ZZEF1: variants seen among roughly 807,000 people sequenced by gnomAD.
ZZEF1 encodes the protein zinc finger ZZ-type and EF-hand domain containing 1, also known as zinc finger ZZ-type and EF-hand domain-containing protein 1.
Under a neutral mutation model 342.8 loss-of-function variants are expected in ZZEF1, and 157 were observed. The observed-to-expected ratio is 0.46, with a 90% CI of 0.40 to 0.52. The LOEUF is 0.52. Ranked by LOEUF, ZZEF1 falls within the 20% of genes least tolerant of loss-of-function variation. The pLI, the probability that ZZEF1 is intolerant of heterozygous loss-of-function variation, is 0.00. For synonymous variants in ZZEF1, 1,505 were observed against 1,429.1 expected, an observed-to-expected ratio of 1.05 and a Z score of -1.20; for missense variants, 3,480 against 3,725.6, an observed-to-expected ratio of 0.93 and a Z score of 1.72.
chr17:4,016,547 A>C lies in ZZEF1; in HGVS notation c.8002-81T>G, dbSNP rs921984113. The C allele has an allele frequency of 8.0e-6, 12 of 1,502,090 alleles. No individual in the cohort carries two copies. Among genetic ancestry groups the C allele is most frequent in the South Asian group, 1.3e-5 (1 of 76,350 alleles). The allele number at this position is 1,502,090 out of a possible 1,614,324, so 93.0% of individuals were successfully genotyped here. A position where few individuals can be genotyped will look rare whatever the true frequency, so the allele number is the denominator to read the frequency against. ...GACAGTTTACTTCAACCCAAGCTCC[A>C]CCCAAAGGTGCTGGCATCATCTTAG... On this transcript the variant is annotated intron_variant, in intron 48 of 54. Transcript: ENST00000381638. The surrounding 1 kb of genome is among the most constrained non-coding windows in gnomAD (Gnocchi z 4.4).
chr17:4,014,394 T>TA lies in ZZEF1; in HGVS notation c.8266_8267insT (p.His2756LeufsTer14). 1 of 1,614,246 alleles carries TA rather than the reference T, an allele frequency of 6.2e-7. No homozygotes were observed. Among genetic ancestry groups the TA allele is most frequent in the Non-Finnish European group, 8.5e-7 (1 of 1,180,038 alleles). On this transcript the variant is annotated frameshift_variant, in exon 50 of 55. Transcript: ENST00000381638. LOFTEE classifies it high-confidence loss of function. This position sits in a 1 kb window ranked among gnomAD's most constrained non-coding sequence, Gnocchi z 4.4. ...CTTCTGCTGAGACCCGCTGAAGCTG[T>TA]GTCGGTCTTGCTGGAAGTCACTGCT...
intron 35 of ZZEF1, 95 bp downstream of exon 35, chr17:4,051,876 T>C (rs989254404): frequency 1.0e-5 from 14 of 1,341,526 alleles, no homozygotes; most frequent in Admixed American, 2.6e-5. Flanking sequence ...AATTTTTAAA[T>C]AAAAAAAACT....
At chr17:4,084,694 T>C (rs1022219476) in intron 16 of ZZEF1, among the ~76,000 whole-genome samples, 1 of 152,264 alleles carries the variant, frequency 6.6e-6, no homozygotes, top group African/African-American at 2.4e-5. Flanking sequence ...GATCTTTGTA[T>C]AGAATATTCC....
At chr17:4,061,265 A>C (rs903143044) in intron 30 of ZZEF1, among the ~76,000 whole-genome samples, 1 of 152,104 alleles carries the variant, frequency 6.6e-6, no homozygotes, top group Non-Finnish European at 1.5e-5. Context: ...TTTGAGATCC[A>C]TTCTTCTCTT....
intron 43 of ZZEF1, among the ~76,000 whole-genome samples, chr17:4,023,584 C>T (rs1409724457): frequency 1.5e-5 from 2 of 137,384 alleles, no homozygotes; most frequent in Non-Finnish European, 3.0e-5. Context: ...CTTCAAGAGG[C>T]GGAGGTGGAA....
chr17:4,104,786 G>A lies in ZZEF1; in HGVS notation c.1420C>T (p.Leu474=), dbSNP rs1567845062. ...TSCCSTPEVE[L]TLLAFALARG... ...GCGAGAGCAAAAGCCAGAAGAGTCA[G>A]TTCTACCTCTGGGGTAGAACAGCAG... is the stretch of plus-strand genomic sequence containing the variant. The change falls in exon 8 of 55, where the codon CTG becomes TTG. Residue 474 remains leucine, a synonymous_variant. Coordinates refer to ENST00000381638, the MANE Select transcript of ZZEF1 (RefSeq NM_015113.4). 2 of 1,614,082 alleles carry A rather than the reference G, an allele frequency of 1.2e-6. No homozygotes were observed. The highest frequency in any genetic ancestry group is 1.1e-5 in the South Asian group (1 of 91,072).
At chr17:4,019,589 G>T in intron 46 of ZZEF1, 80 bp downstream of exon 46, 2 of 1,283,550 alleles carry the variant, frequency 1.6e-6, no homozygotes, top group Non-Finnish European at 2.2e-6. Flanking sequence ...TCCAGAAGCT[G>T]CTGCCAGGAG....
intron 37 of ZZEF1, among the ~76,000 whole-genome samples, chr17:4,047,826 A>G (rs2056956702): frequency 6.7e-6 from 1 of 148,418 alleles, no homozygotes; most frequent in Non-Finnish European, 1.5e-5. Context: ...CTGTAGTCCC[A>G]GTTACTTGAG....
chr17:4,100,555 T>C (rs1362841700), intron 9 of ZZEF1, among the ~76,000 whole-genome samples: 1 of 152,126 alleles, frequency 6.6e-6, no homozygotes, highest in Non-Finnish European at 1.5e-5. Flanking sequence ...CAAAATCTAT[T>C]ACCAGGAGAA....
intron 5 of ZZEF1, among the ~76,000 whole-genome samples, chr17:4,111,281 A>T (rs1332203773): frequency 6.6e-6 from 1 of 152,186 alleles, no homozygotes; most frequent in Non-Finnish European, 1.5e-5. Context: ...ACATCAAGGC[A>T]ATCATAGTAA....
At position 4,122,346 on chromosome 17, in the gene ZZEF1, C is replaced by T. The variant is rs948899676; in HGVS notation, c.499+1561G>A. Among the ~76,000 whole-genome samples, 4 of 151,438 alleles carry T rather than the reference C, an allele frequency of 2.6e-5. No individual in the cohort carries two copies. In the East Asian group the frequency reaches 7.7e-4, roughly 29 times the overall value. On this transcript the variant is annotated intron_variant, in intron 2 of 54. Coordinates refer to ENST00000381638, the MANE Select transcript of ZZEF1 (RefSeq NM_015113.4). ...CTTTACGTGTAAGTCTGAGCTCCCC[C>T]CCAAAAAAATACAAAAACACAGGCC...
intron 2 of ZZEF1, among the ~76,000 whole-genome samples, chr17:4,121,362 G>T (rs1341519835): frequency 6.6e-6 from 1 of 152,188 alleles, no homozygotes; most frequent in Non-Finnish European, 1.5e-5. Context: ...AGTGGCTCAC[G>T]CCTGTAATCC....
At chr17:4,100,143 C>G (rs1267855545) in intron 9 of ZZEF1, among the ~76,000 whole-genome samples, 2 of 152,160 alleles carry the variant, frequency 1.3e-5, no homozygotes, top group Non-Finnish European at 2.9e-5. Flanking sequence ...GTTGGAGAAT[C>G]AGACGTGTAC....
At chr17:4,047,472 C>T (rs1271054290) in intron 37 of ZZEF1, among the ~76,000 whole-genome samples, 1 of 151,990 alleles carries the variant, frequency 6.6e-6, no homozygotes, top group Non-Finnish European at 1.5e-5. Flanking sequence ...GGCAAAACCC[C>T]ATCCCTACAA....
At chr17:4,112,957 T>G (rs1175577444) in intron 4 of ZZEF1, 149 bp from the exon 5 acceptor site, 2 of 650,090 alleles carry the variant, frequency 3.1e-6, no homozygotes, top group Non-Finnish European at 4.9e-6. Flanking sequence ...GGCTATGAGT[T>G]TCAAAGTCCT....
rs552889258 is a variant in ZZEF1, at chr17:4,020,818, C to T, written c.7404+311G>A. On this transcript the variant is annotated intron_variant, in intron 45 of 54. Coordinates refer to ENST00000381638, the MANE Select transcript of ZZEF1 (RefSeq NM_015113.4). ...GGAACTATCGTATAGAGTTCATGGA[C>T]GAGCCTTAGGGCTTTAGTAAGCCCT... 5.3e-5 allele frequency among the ~76,000 whole-genome samples: 8 copies of T among 152,280 alleles called. No individual in the cohort carries two copies. In the East Asian group the frequency reaches 7.7e-4, roughly 15 times the overall value.
In ZZEF1 at chr17:4,074,175, C is replaced by A. The variant is rs150606376; in HGVS notation, c.3660G>T (p.Gln1220His). The A allele has an allele frequency of 3.7e-6, 6 of 1,613,874 alleles. No individual in the cohort carries two copies. In the African/African-American group the frequency reaches 8.0e-5, roughly 22 times the overall value. The change falls in exon 24 of 55, where the codon CAG becomes CAT. Residue 1220 changes from glutamine to histidine, a missense_variant. Coordinates refer to ENST00000381638, the MANE Select transcript of ZZEF1 (RefSeq NM_015113.4). ...VSRLMGRLASQCMALKSVRQL... is the reference protein window; with the variant it reads ...VSRLMGRLASHCMALKSVRQL... The stretch of plus-strand genomic sequence containing the variant: ...GGCGCACAGACTTGAGCGCCATGCA[C>A]TGGGAAGCCAGGCGTCCCATCAGCC...
chr17:4,106,053 G>A (rs944471991), intron 6 of ZZEF1, among the ~76,000 whole-genome samples: 4 of 152,058 alleles, frequency 2.6e-5, no homozygotes, highest in Admixed American at 1.3e-4. Flanking sequence ...AGGTTCAAGC[G>A]ATTCTCCTGC....
chr17:4,064,988 G>A (rs908833251), intron 28 of ZZEF1, among the ~76,000 whole-genome samples, 159 bp from the exon 29 acceptor site: 4 of 151,786 alleles, frequency 2.6e-5, no homozygotes, highest in South Asian at 2.1e-4. Context: ...GTAACAAACC[G>A]GCACGTTGTG....
Sources: allele counts gnomAD v4.1 joint callset (sites outside exome capture counted in the v4.1 genomes callset), GRCh38; gene constraint gnomAD v4.1.1; non-coding constraint Gnocchi (gnomAD v3.1); transcripts MANE v1.5; gene names NCBI Gene and HGNC (gene_info 2026-07-23, HGNC 2026-07-21).